Variants in RBFOX1 observed in about 807,000 individuals in gnomAD.
RBFOX1 encodes RNA binding protein fox-1 homolog 1.
In RBFOX1, 8 loss-of-function variants were observed where a neutral mutation model predicts 57.7. The ratio of observed to expected loss-of-function variants is 0.14; its 90% CI spans 0.08 to 0.25. RBFOX1 has a LOEUF of 0.25. Ranked by LOEUF, RBFOX1 falls within the 10% of genes least tolerant of loss-of-function variation. The pLI, the probability that RBFOX1 is intolerant of heterozygous loss-of-function variation, is 1.00. For missense variants in RBFOX1, 611 were observed against 548.5 expected, an observed-to-expected ratio of 1.11 and a Z score of -1.14; for synonymous variants, 326 against 222.4, an observed-to-expected ratio of 1.47 and a Z score of -4.15.
chr16:5,699,548 C>T (rs959028548), intron 3 of RBFOX1, among the ~76,000 whole-genome samples: 3 of 151,950 alleles, frequency 2.0e-5, no homozygotes, highest in Admixed American at 1.3e-4. Context: ...ATGACTATTG[C>T]ACTAATTGCC....
intron 4 of RBFOX1, among the ~76,000 whole-genome samples, chr16:7,127,709 TG>T (rs2068972705): frequency 6.6e-6 from 1 of 152,186 alleles, no homozygotes; most frequent in African/African-American, 2.4e-5. Flanking sequence ...CAGAGGACTT[TG>T]GGTTGTATAT....
intron 4 of RBFOX1, among the ~76,000 whole-genome samples, chr16:7,192,078 C>T (rs182830616): frequency 6.6e-6 from 1 of 151,772 alleles, no homozygotes; most frequent in African/African-American, 2.4e-5. Context: ...ATTCTACGAG[C>T]TGTTTTCAAA....
In RBFOX1 at chr16:6,496,829, G is replaced by A. The variant is rs56231976; in HGVS notation, c.-63-157774G>A. ...ACAAAAATTGGCCTGGTGTGATGGC[G>A]GGTGCCTGTAATCCCAGCTACTCGG... is the stretch of plus-strand genomic sequence containing the variant. On this transcript the variant is annotated intron_variant, in intron 2 of 15. Coordinates refer to ENST00000550418, the MANE Select transcript of RBFOX1 (RefSeq NM_018723.4). Among the ~76,000 whole-genome samples, 1,150 of 152,106 alleles carry A rather than the reference G, an allele frequency of 7.6e-3. 5 individuals are homozygous for A. Among genetic ancestry groups the A allele is most frequent in the Non-Finnish European group, 0.012 (805 of 68,000 alleles).
chr16:6,337,671 T>C (rs766938370), intron 2 of RBFOX1, among the ~76,000 whole-genome samples: 73 of 152,330 alleles, frequency 4.8e-4, no homozygotes, highest in Middle Eastern at 6.8e-3. Context: ...CTCTAATTGA[T>C]ACGTGTCTTA....
chr16:6,284,869 A>G (rs796904403), intron 1 of RBFOX1, among the ~76,000 whole-genome samples: 2 of 152,176 alleles, frequency 1.3e-5, no homozygotes, highest in East Asian at 1.9e-4. Context: ...TCTTCTCATT[A>G]AAGGCTTATT....
At chr16:6,412,772 A>G (rs2093500476) in intron 2 of RBFOX1, among the ~76,000 whole-genome samples, 1 of 152,132 alleles carries the variant, frequency 6.6e-6, no homozygotes, top group African/African-American at 2.4e-5. Flanking sequence ...CCATCTAATG[A>G]TCTGATTCAG....
chr16:7,058,716 G>T (rs1468636325), intron 4 of RBFOX1, among the ~76,000 whole-genome samples: 1 of 152,100 alleles, frequency 6.6e-6, no homozygotes, highest in Non-Finnish European at 1.5e-5. Flanking sequence ...GGATATTAAT[G>T]GATTTTTTTC....
In RBFOX1 at chr16:7,469,301, A is replaced by G. The variant is rs189332544; in HGVS notation, c.28-48846A>G. ...CTGGTCTCGAACCCCTGACCTCATGATCTGCCCGCCTCGGCCTCCCAAAGT... is the reference window on the plus strand; with the variant it reads ...CTGGTCTCGAACCCCTGACCTCATGGTCTGCCCGCCTCGGCCTCCCAAAGT... On this transcript the variant is annotated intron_variant, in intron 4 of 15. Transcript: ENST00000550418. 6.6e-4 allele frequency among the ~76,000 whole-genome samples: 100 copies of G among 152,050 alleles called. 1 individual carries two copies. Among genetic ancestry groups the G allele is most frequent in the East Asian group, 4.5e-3 (23 of 5,142 alleles).
chr16:6,800,948 C>G (rs118013941), intron 3 of RBFOX1, among the ~76,000 whole-genome samples: 5,169 of 152,140 alleles, frequency 0.034, 138 homozygotes, highest in Middle Eastern at 0.061. Context: ...GTTTGAGTAT[C>G]TCTCAAGGGT....
intron 4 of RBFOX1, among the ~76,000 whole-genome samples, chr16:7,058,561 A>G (rs548577886): frequency 1.3e-5 from 2 of 151,852 alleles, no homozygotes; most frequent in East Asian, 3.9e-4. Context: ...CATTGCACAG[A>G]TTTCATAAGT....
chr16:6,859,141 G>GTA (rs1174185442), intron 3 of RBFOX1, among the ~76,000 whole-genome samples: 10 of 98,232 alleles, frequency 1.0e-4, no homozygotes, highest in African/African-American at 1.6e-4. Context: ...ATATATATAC[G>GTA]TATATATATA....
At chr16:6,006,840 G>T (rs1294288176) in intron 4 of RBFOX1, among the ~76,000 whole-genome samples, 1 of 152,224 alleles carries the variant, frequency 6.6e-6, no homozygotes, top group Non-Finnish European at 1.5e-5. Context: ...AGGAGGGAAT[G>T]AGAGTTTAAT....
chr16:7,018,539 C>T (rs896663297), intron 3 of RBFOX1, among the ~76,000 whole-genome samples: 2 of 152,148 alleles, frequency 1.3e-5, no homozygotes, highest in Non-Finnish European at 2.9e-5. Context: ...AGTAAACATA[C>T]ATGTGCATGT....
intron 3 of RBFOX1, among the ~76,000 whole-genome samples, chr16:5,712,622 C>T (rs1296556520): frequency 1.0e-5 from 1 of 98,668 alleles, no homozygotes; most frequent in Non-Finnish European, 3.1e-5. Context: ...TGTTATTTGT[C>T]CTCATGTGTA....
chr16:7,456,177 C>T (rs1400395580), intron 4 of RBFOX1, among the ~76,000 whole-genome samples: 1 of 152,188 alleles, frequency 6.6e-6, no homozygotes, highest in African/African-American at 2.4e-5. Context: ...GGGCAGGGCT[C>T]TGTGGAGGGT....
At chr16:5,948,974 C>G (rs1392263295) in intron 4 of RBFOX1, among the ~76,000 whole-genome samples, 1 of 152,182 alleles carries the variant, frequency 6.6e-6, no homozygotes, top group Admixed American at 6.5e-5. Flanking sequence ...GGCATCTTCT[C>G]TCTTGCTGTC....
At chr16:7,250,508 C>G (rs1017657370) in intron 4 of RBFOX1, among the ~76,000 whole-genome samples, 2 of 152,176 alleles carry the variant, frequency 1.3e-5, no homozygotes, top group African/African-American at 4.8e-5. Flanking sequence ...TTACACTTAC[C>G]TTGTCTCTGC....
At chr16:6,926,202 G>T (rs1489441019) in intron 3 of RBFOX1, among the ~76,000 whole-genome samples, 1 of 152,158 alleles carries the variant, frequency 6.6e-6, no homozygotes, top group East Asian at 1.9e-4. Flanking sequence ...AGCTAATCCA[G>T]AGGCTGAGGC....
chr16:6,209,895 C>T (rs1478090032), intron 1 of RBFOX1, among the ~76,000 whole-genome samples: 2 of 152,180 alleles, frequency 1.3e-5, no homozygotes, highest in African/African-American at 4.8e-5. Context: ...TTGCTTAATT[C>T]CTGCTTAAGC....
Sources: gnomAD v4.1 joint callset for allele counts (sites outside exome capture counted in the v4.1 genomes callset) on GRCh38, gnomAD v4.1.1 for gene constraint, MANE v1.5 for transcripts, NCBI Gene and HGNC (gene_info 2026-07-23, HGNC 2026-07-21) for gene names.